The following VEGFC variants were observed in gnomAD, a reference collection of about 807,000 sequenced individuals.
VEGFC encodes the protein vascular endothelial growth factor C.
Under a neutral mutation model 46.1 loss-of-function variants are expected in VEGFC, and 12 were observed. The ratio of observed to expected loss-of-function variants is 0.26; its 90% CI spans 0.17 to 0.42. VEGFC has a LOEUF of 0.42. VEGFC is among the 10% of genes least tolerant of loss of function. The pLI, the probability that VEGFC is intolerant of heterozygous loss-of-function variation, is 1.00. For missense variants in VEGFC, 488 were observed against 529.4 expected, an observed-to-expected ratio of 0.92 and a Z score of 0.77; for synonymous variants, 232 against 195.5, an observed-to-expected ratio of 1.19 and a Z score of -1.56.
At chr4:176,712,824 T>C (rs1734640165) in intron 3 of VEGFC, among the ~76,000 whole-genome samples, 1 of 152,240 alleles carries the variant, frequency 6.6e-6, no homozygotes, top group Non-Finnish European at 1.5e-5. Flanking sequence ...ATAAAATGCA[T>C]ATTGTCTTCA....
rs540334983 is a variant in VEGFC at position 176,782,330 on chromosome 4, G to A, written c.147+9835C>T. Among the ~76,000 whole-genome samples the A allele has an allele frequency of 2.6e-4, 40 of 152,182 alleles. No homozygotes were observed. The South Asian group carries it at 8.3e-3, about 32-fold the overall frequency. ...ATTTTAAAAAATAGCTGGGTGGGGT[G>A]GCACGTGCCTGTGATCCCAGCTACT... On this transcript the variant is annotated intron_variant, in intron 1 of 6. Coordinates refer to ENST00000618562, the MANE Select transcript of VEGFC (RefSeq NM_005429.5).
intron 1 of VEGFC, among the ~76,000 whole-genome samples, chr4:176,778,965 C>T (rs1735862523): frequency 1.3e-5 from 2 of 152,170 alleles, no homozygotes; most frequent in South Asian, 4.1e-4. Flanking sequence ...TCTGCCCCCA[C>T]CACCAATCAA....
chr4:176,692,544 T>G (rs1161490404), intron 4 of VEGFC, among the ~76,000 whole-genome samples: 1 of 132,772 alleles, frequency 7.5e-6, no homozygotes, highest in Non-Finnish European at 1.5e-5. Flanking sequence ...GCAATGAGGC[T>G]GGGGGAGGGA....
At chr4:176,722,391 A>C in intron 3 of VEGFC, among the ~76,000 whole-genome samples, 1 of 152,186 alleles carries the variant, frequency 6.6e-6, no homozygotes, top group Non-Finnish European at 1.5e-5. Context: ...ATGTTTAAGT[A>C]CTAAGTAGAC....
At chr4:176,760,781 A>C (rs1579127881) in intron 1 of VEGFC, among the ~76,000 whole-genome samples, 1 of 152,208 alleles carries the variant, frequency 6.6e-6, no homozygotes, top group East Asian at 1.9e-4. Flanking sequence ...ATTCATTAAT[A>C]ATATGCTGAC....
chr4:176,726,588 G>A (rs1481563521), intron 3 of VEGFC, among the ~76,000 whole-genome samples: 1 of 152,214 alleles, frequency 6.6e-6, no homozygotes, highest in East Asian at 1.9e-4. Context: ...ATTAATTTGG[G>A]TTGTATAATA....
rs1032406225 is a variant in VEGFC, at chr4:176,729,416, G to A, written c.361+117C>T. Reference sequence around the variant, plus strand: ...TGAAGTAATTCTTTATTTTCTATTTGCTTTCCGCCCTAAAGGTGTATTCGG... The same window carrying A: ...TGAAGTAATTCTTTATTTTCTATTTACTTTCCGCCCTAAAGGTGTATTCGG... On this transcript the variant is annotated intron_variant, in intron 2 of 6. Coordinates refer to ENST00000618562, the MANE Select transcript of VEGFC (RefSeq NM_005429.5). 1.4e-5 allele frequency: 11 copies of A among 775,656 alleles called. No individual in the cohort carries two copies. In the South Asian group the frequency reaches 2.2e-4, roughly 16 times the overall value. The allele number at this position is 775,656 out of a possible 1,614,324, so 48.0% of individuals were successfully genotyped here. A position where few individuals can be genotyped will look rare whatever the true frequency, so the allele number is the denominator to read the frequency against.
chr4:176,726,041 G>T (rs1030294683), intron 3 of VEGFC, among the ~76,000 whole-genome samples: 1 of 151,954 alleles, frequency 6.6e-6, no homozygotes, highest in Non-Finnish European at 1.5e-5. Flanking sequence ...AATTTATTTA[G>T]AATAGTAAGT....
chr4:176,711,218 C>A (rs1045632869), intron 4 of VEGFC, among the ~76,000 whole-genome samples: 2 of 152,124 alleles, frequency 1.3e-5, no homozygotes. Flanking sequence ...AATTAAGCTA[C>A]CTTACTGATA....
chr4:176,746,079 C>T (rs1001364380), intron 1 of VEGFC, among the ~76,000 whole-genome samples: 4 of 152,042 alleles, frequency 2.6e-5, no homozygotes, highest in African/African-American at 9.7e-5. Flanking sequence ...AACATTAGTA[C>T]TAGAAGATAA....
intron 3 of VEGFC, among the ~76,000 whole-genome samples, chr4:176,715,998 T>C (rs1734692412): frequency 6.6e-6 from 1 of 152,118 alleles, no homozygotes; most frequent in Admixed American, 6.5e-5. Flanking sequence ...CAAGCCTCCA[T>C]TTCATTACCT....
At chr4:176,763,145 G>T (rs1475317686) in intron 1 of VEGFC, among the ~76,000 whole-genome samples, 1 of 152,254 alleles carries the variant, frequency 6.6e-6, no homozygotes, top group Non-Finnish European at 1.5e-5. Context: ...TTTGAAAGTG[G>T]TCTCTATTTA....
At position 176,792,400 on chromosome 4, in the gene VEGFC, G is replaced by A; in HGVS notation, c.-89C>T. ...CCCTGCGAGGCCGCGGGCCCCTCCT[G>A]GTCCCTCTCCCCCGGGCTCCTCCCG... is the stretch of plus-strand genomic sequence containing the variant. On this transcript the variant is annotated 5_prime_UTR_variant, in exon 1 of 7. Transcript: ENST00000618562. This position sits in a 1 kb window ranked among gnomAD's most constrained non-coding sequence, Gnocchi z 6.3. The A allele has an allele frequency of 9.3e-7, 1 of 1,071,826 alleles. No individual in the cohort carries two copies. The highest frequency in any genetic ancestry group is 1.3e-6 in the Non-Finnish European group (1 of 798,760). The allele number at this position is 1,071,826 out of a possible 1,614,324, so 66.4% of individuals were successfully genotyped here.
At chr4:176,750,751 G>T (rs1433705321) in intron 1 of VEGFC, among the ~76,000 whole-genome samples, 1 of 151,712 alleles carries the variant, frequency 6.6e-6, no homozygotes, top group Non-Finnish European at 1.5e-5. Flanking sequence ...ACCACCAGCT[G>T]GGTTCCAAAA....
intron 4 of VEGFC, among the ~76,000 whole-genome samples, chr4:176,692,121 G>C (rs1449193677): frequency 6.6e-6 from 1 of 151,992 alleles, no homozygotes; most frequent in Non-Finnish European, 1.5e-5. Flanking sequence ...CCGGCCCGGC[G>C]CGGTGGCTCA....
At chr4:176,773,239 G>C (rs1192545027) in intron 1 of VEGFC, among the ~76,000 whole-genome samples, 2 of 152,146 alleles carry the variant, frequency 1.3e-5, no homozygotes, top group African/African-American at 4.8e-5. Flanking sequence ...AAGCACAGAA[G>C]GCCAAACTCT....
intron 4 of VEGFC, among the ~76,000 whole-genome samples, chr4:176,710,523 G>C (rs1336118779): frequency 1.3e-5 from 2 of 152,188 alleles, no homozygotes; most frequent in Non-Finnish European, 2.9e-5. Flanking sequence ...ACTAAGCAGA[G>C]TAGTACAACG....
chr4:176,689,310 A>G (rs1734105611), intron 4 of VEGFC: 1 of 152,206 alleles, frequency 6.6e-6, no homozygotes, highest in African/African-American at 2.4e-5. Flanking sequence ...CAGTGTGACA[A>G]TACATCTTTC....
At chr4:176,768,580 G>A (rs1735672586) in intron 1 of VEGFC, among the ~76,000 whole-genome samples, 1 of 146,598 alleles carries the variant, frequency 6.8e-6, no homozygotes. Context: ...TGGGAGAGAT[G>A]GCCCTCCAGG....
Sources: allele counts gnomAD v4.1 joint callset (sites outside exome capture counted in the v4.1 genomes callset), GRCh38; gene constraint gnomAD v4.1.1; non-coding constraint Gnocchi (gnomAD v3.1); transcripts MANE v1.5; gene names NCBI Gene and HGNC (gene_info 2026-07-23, HGNC 2026-07-21).